HIVEP3: variants seen among roughly 807,000 people sequenced by gnomAD.
HIVEP3 encodes the protein HIVEP zinc finger 3.
Under a neutral mutation model 152.8 loss-of-function variants are expected in HIVEP3, and 49 were observed. The observed-to-expected ratio is 0.32, with a 90% CI of 0.26 to 0.41. The LOEUF is 0.41. Ranked by LOEUF, HIVEP3 falls within the 10% of genes least tolerant of loss-of-function variation. The pLI is 1.00. For missense variants in HIVEP3, 2,790 were observed against 3,103.3 expected (o/e 0.90, Z 2.40); for synonymous variants, 1,269 against 1,289.0 (o/e 0.98, Z 0.33).
intron 1 of HIVEP3, among the ~76,000 whole-genome samples, chr1:41,853,863 G>A (rs1003348442): frequency 3.3e-5 from 5 of 152,168 alleles, no homozygotes; most frequent in African/African-American, 1.2e-4. Context: ...TTCAGCAGCG[G>A]CTCTAGGCTG....
intron 2 of HIVEP3, among the ~76,000 whole-genome samples, chr1:41,630,523 G>A (rs74069968): frequency 0.011 from 1,601 of 152,272 alleles, 15 homozygotes; most frequent in Non-Finnish European, 0.014. Flanking sequence ...TACCCTCACC[G>A]CCTTGAAGAT....
rs1201277531 is a variant in HIVEP3 at position 41,513,657 on chromosome 1, G to A, written c.5564C>T (p.Ser1855Leu). ...HQFSDLEDSD[S>L]DSDLDEDEDE... ...CTCGTCTTCGTCCAGGTCTGAGTCT[G>A]AGTCCGAGTCCTCCAGGTCCGAAAA... The change falls in exon 8 of 9, where the codon TCA becomes TTA. Residue 1855 changes from serine to leucine, a missense_variant. By Grantham distance (145) the Ser-to-Leu change is moderately radical (BLOSUM62 -2). Transcript: ENST00000372583. The A allele has an allele frequency of 6.2e-7, 1 of 1,613,588 alleles. No homozygotes were observed. Among genetic ancestry groups the A allele is most frequent in the Non-Finnish European group, 8.5e-7 (1 of 1,179,874 alleles).
At chr1:41,928,669 G>A (rs986621333) in intron 1 of HIVEP3, among the ~76,000 whole-genome samples, 1 of 152,054 alleles carries the variant, frequency 6.6e-6, no homozygotes, top group African/African-American at 2.4e-5. Context: ...GTCTTTCCTT[G>A]TCTTTCTTGC....
At chr1:41,919,528 T>C (rs949744349), upstream of HIVEP3, among the ~76,000 whole-genome samples, 1 of 152,220 alleles carries the variant, frequency 6.6e-6, no homozygotes, top group African/African-American at 2.4e-5. Flanking sequence ...CAAGACATAC[T>C]TTCTTTCAAC....
chr1:41,571,614 G>A (rs1217304930), intron 5 of HIVEP3, among the ~76,000 whole-genome samples: 1 of 152,246 alleles, frequency 6.6e-6, no homozygotes. Flanking sequence ...GACAGAAATG[G>A]ATCTTAGCAC....
intron 1 of HIVEP3, among the ~76,000 whole-genome samples, chr1:41,985,839 T>C (rs368095851): frequency 1.1e-4 from 16 of 152,218 alleles, no homozygotes; most frequent in African/African-American, 3.9e-4. Context: ...GGCTATGGAG[T>C]AGATTTGACT....
At position 41,885,857 on chromosome 1, in the gene HIVEP3, G is replaced by A. The variant is rs574330716; in HGVS notation, c.-801+32556C>T. Among the ~76,000 whole-genome samples, 8 of 145,056 alleles carry A rather than the reference G, an allele frequency of 5.5e-5. No individual in the cohort carries two copies. In the South Asian group the frequency reaches 1.3e-3, roughly 24 times the overall value. ...CTTCTTTCCCAGGCACAAGGTAAAC[G>A]AGCTTTCAAATATAGCACACTGAAT... On this transcript the variant is annotated intron_variant, in intron 1 of 8. Transcript: ENST00000372583.
Position 41,661,142 on chromosome 1 carries a change from T to C in HIVEP3, c.-720-32195A>G, listed in dbSNP as rs368130879. Among the ~76,000 whole-genome samples the C allele has an allele frequency of 2.4e-4, 37 of 152,370 alleles. No individual in the cohort carries two copies. The South Asian group carries it at 7.5e-3, about 31-fold the overall frequency. On this transcript the variant is annotated intron_variant, in intron 2 of 8. Transcript: ENST00000372583. ...CATACCTCTGGGGACACTCATTCCA[T>C]TTTTGATAAAACATAGCCTGAAAGA... is the stretch of plus-strand genomic sequence containing the variant.
At chr1:41,860,923 A>G (rs1643879456) in intron 1 of HIVEP3, among the ~76,000 whole-genome samples, 1 of 152,182 alleles carries the variant, frequency 6.6e-6, no homozygotes, top group African/African-American at 2.4e-5. Context: ...TAAAGCAAAA[A>G]GAAGAACATC....
chr1:41,789,781 G>C (rs528371148), intron 1 of HIVEP3, among the ~76,000 whole-genome samples: 1 of 152,308 alleles, frequency 6.6e-6, no homozygotes, highest in South Asian at 2.1e-4. Flanking sequence ...TGAGACCTTG[G>C]TCAACAATGT....
At chr1:41,605,105 C>T (rs1198726963) in intron 3 of HIVEP3, among the ~76,000 whole-genome samples, 4 of 60,816 alleles carry the variant, frequency 6.6e-5, no homozygotes, top group South Asian at 7.0e-4. Flanking sequence ...ACTCTGTCTC[C>T]AATAAAAAAA....
chr1:41,618,498 C>T (rs996002919), intron 3 of HIVEP3, among the ~76,000 whole-genome samples: 1 of 152,158 alleles, frequency 6.6e-6, no homozygotes, highest in Non-Finnish European at 1.5e-5. Context: ...CTACCGAGGC[C>T]CAGTGCTCTG....
At chr1:41,730,697 G>A (rs889292602) in intron 1 of HIVEP3, among the ~76,000 whole-genome samples, 7 of 152,384 alleles carry the variant, frequency 4.6e-5, no homozygotes, top group East Asian at 1.9e-4. Context: ...CAGGCCCAAC[G>A]TCAGGTGGCA....
intron 2 of HIVEP3, among the ~76,000 whole-genome samples, chr1:41,695,038 A>C (rs894266146): frequency 6.6e-6 from 1 of 152,230 alleles, no homozygotes; most frequent in Non-Finnish European, 1.5e-5. Flanking sequence ...TCACTAAACC[A>C]AGACAGTCCC....
chr1:41,540,056 A>G (rs925423236), intron 5 of HIVEP3, among the ~76,000 whole-genome samples: 1 of 152,190 alleles, frequency 6.6e-6, no homozygotes, highest in African/African-American at 2.4e-5. Context: ...GTGGTGAAGG[A>G]GAGGAAAGGA....
intron 1 of HIVEP3, among the ~76,000 whole-genome samples, chr1:41,894,458 G>A (rs2124444719): frequency 6.6e-6 from 1 of 152,308 alleles, no homozygotes; most frequent in Non-Finnish European, 1.5e-5. Context: ...TGCAGCAAAT[G>A]TGGCTTCTCA....
At chr1:41,886,712 C>CAAAAAAA (rs71062602) in intron 1 of HIVEP3, among the ~76,000 whole-genome samples, 13 of 87,782 alleles carry the variant, frequency 1.5e-4, no homozygotes, top group African/African-American at 4.0e-4. Context: ...AACTCCATTT[C>CAAAAAAA]AAAAAAAAAA....
rs867507143 is a variant in HIVEP3 at position 41,945,439 on chromosome 1, G to T, written n.120-26915C>A. 3.3e-5 allele frequency among the ~76,000 whole-genome samples: 5 copies of T among 152,310 alleles called. No homozygotes were observed. The South Asian group carries it at 8.3e-4, about 25-fold the overall frequency. ...ATGGCTATATTGATGTTTTACAAGGGTTAGGACAATCCTTTGATCTGACAT... is the reference window on the plus strand; with the variant it reads ...ATGGCTATATTGATGTTTTACAAGGTTTAGGACAATCCTTTGATCTGACAT... On this transcript the variant is annotated intron_variant and non_coding_transcript_variant, in intron 1 of 3. Transcript: ENST00000489103.
chr1:42,002,934 T>C (rs997596413), intron 1 of HIVEP3, among the ~76,000 whole-genome samples: 2 of 152,174 alleles, frequency 1.3e-5, no homozygotes, highest in Admixed American at 6.5e-5. Flanking sequence ...AATACATTTA[T>C]TCAAATCCTA....
Sources: allele counts gnomAD v4.1 joint callset (sites outside exome capture counted in the v4.1 genomes callset), GRCh38; gene constraint gnomAD v4.1.1; transcripts MANE v1.5; gene names NCBI Gene and HGNC (gene_info 2026-07-23, HGNC 2026-07-21).